The following ASIC2 variants were observed in gnomAD, a reference collection of about 807,000 sequenced individuals.
ASIC2 encodes the protein acid sensing ion channel subunit 2.
In ASIC2, 25 loss-of-function variants were observed where a neutral mutation model predicts 57.3. The observed-to-expected ratio is 0.44, with a 90% CI of 0.32 to 0.61. The LOEUF (loss-of-function observed/expected upper bound fraction) is 0.61, where lower values mean the gene tolerates loss of function less well. ASIC2 is among the 20% of genes least tolerant of loss of function. The pLI, the probability that ASIC2 is intolerant of heterozygous loss-of-function variation, is 0.06. For missense variants in ASIC2, 641 were observed against 738.1 expected, an observed-to-expected ratio of 0.87 and a Z score of 1.52; for synonymous variants, 319 against 307.5, an observed-to-expected ratio of 1.04 and a Z score of -0.39.
intron 1 of ASIC2, among the ~76,000 whole-genome samples, chr17:33,819,870 A>T (rs1199074461): frequency 1.3e-5 from 2 of 152,208 alleles, no homozygotes; most frequent in African/African-American, 4.8e-5. Context: ...GGTTCTGCAG[A>T]AGCTGAAAAT....
At chr17:33,251,297 T>C (rs546796804) in intron 1 of ASIC2, among the ~76,000 whole-genome samples, 1 of 152,296 alleles carries the variant, frequency 6.6e-6, no homozygotes, top group African/African-American at 2.4e-5. Flanking sequence ...CCAGCTTTAG[T>C]TGAACACCTA....
chr17:33,465,357 C>CT (rs1422282064), intron 1 of ASIC2, among the ~76,000 whole-genome samples: 1 of 141,154 alleles, frequency 7.1e-6, no homozygotes, highest in South Asian at 2.3e-4. Flanking sequence ...GAGTGTGGGC[C>CT]TTTTTTTTCT....
At chr17:33,799,350 TTC>T (rs750793829) in intron 1 of ASIC2, among the ~76,000 whole-genome samples, 69 of 143,780 alleles carry the variant, frequency 4.8e-4, no homozygotes, top group African/African-American at 9.7e-4. Context: ...TTTCCTCTCT[TTC>T]TCTTTCTTTC....
At chr17:33,696,743 T>C (rs12453836) in intron 1 of ASIC2, among the ~76,000 whole-genome samples, 40,879 of 152,114 alleles carry the variant, frequency 0.27, 5,602 homozygotes, top group African/African-American at 0.3. Context: ...AGTCATTGAA[T>C]ATGTATTTTT....
intron 1 of ASIC2, among the ~76,000 whole-genome samples, chr17:34,047,859 C>T (rs1228796152): frequency 6.6e-6 from 1 of 152,164 alleles, no homozygotes; most frequent in Non-Finnish European, 1.5e-5. Context: ...AGCATGGTCC[C>T]CACTCGGACA....
At chr17:33,453,621 G>A (rs1180834319) in intron 1 of ASIC2, among the ~76,000 whole-genome samples, 1 of 152,144 alleles carries the variant, frequency 6.6e-6, no homozygotes, top group Non-Finnish European at 1.5e-5. Context: ...TTAAAAATCA[G>A]CTTTATTGAG....
chr17:33,018,761 T>C (rs961484309), intron 7 of ASIC2, among the ~76,000 whole-genome samples: 7 of 151,700 alleles, frequency 4.6e-5, no homozygotes, highest in Non-Finnish European at 4.4e-5. Context: ...TGAGATGAAC[T>C]ATGAAGTTCT....
At chr17:33,207,560 T>C (rs1907111507) in intron 1 of ASIC2, among the ~76,000 whole-genome samples, 1 of 152,208 alleles carries the variant, frequency 6.6e-6, no homozygotes, top group South Asian at 2.1e-4. Flanking sequence ...CATCTATGTA[T>C]TCTTAGCACC....
At position 33,234,971 on chromosome 17, in the gene ASIC2, CA is replaced by C. The variant is rs1265529888; in HGVS notation, c.708+56436del. ...TGTGGGATCTGGCTGAGGCCAGACA[CA>C]AAACTGCGGCTGCATCCTTTCTGGT... is the stretch of plus-strand genomic sequence containing the variant. On this transcript the variant is annotated intron_variant, in intron 1 of 9. Coordinates refer to ENST00000225823, the MANE Select transcript of ASIC2 (RefSeq NM_183377.2). Among the ~76,000 whole-genome samples the C allele has an allele frequency of 2.6e-5, 4 of 152,236 alleles. No individual in the cohort carries two copies. The East Asian group carries it at 7.7e-4, about 29-fold the overall frequency.
At chr17:33,667,866 C>T (rs1907525356) in intron 1 of ASIC2, among the ~76,000 whole-genome samples, 1 of 152,178 alleles carries the variant, frequency 6.6e-6, no homozygotes, top group African/African-American at 2.4e-5. Flanking sequence ...GTCACTTTAT[C>T]TATAAGCACA....
chr17:33,348,367 G>A (rs1908033837), intron 1 of ASIC2, among the ~76,000 whole-genome samples: 1 of 152,090 alleles, frequency 6.6e-6, no homozygotes, highest in Non-Finnish European at 1.5e-5. Context: ...ATATGGTTAG[G>A]AGGCCACAAA....
intron 1 of ASIC2, among the ~76,000 whole-genome samples, chr17:33,518,184 C>A (rs1914632193): frequency 6.6e-6 from 1 of 152,194 alleles, no homozygotes; most frequent in South Asian, 2.1e-4. Context: ...CTGAGCTCCT[C>A]AATAACGCCT....
chr17:33,353,602 T>G (rs1478159452), intron 1 of ASIC2, among the ~76,000 whole-genome samples: 1 of 152,120 alleles, frequency 6.6e-6, no homozygotes, highest in Admixed American at 6.6e-5. Flanking sequence ...GACTCCCAAA[T>G]TTTGGAATTA....
intron 1 of ASIC2, among the ~76,000 whole-genome samples, chr17:33,602,972 A>C (rs1048735582): frequency 6.6e-6 from 1 of 152,140 alleles, no homozygotes; most frequent in African/African-American, 2.4e-5. Context: ...GCCCTTTCCC[A>C]ATATCTCTTA....
intron 1 of ASIC2, among the ~76,000 whole-genome samples, chr17:33,125,535 C>A (rs185879269): frequency 6.6e-6 from 1 of 152,162 alleles, no homozygotes; most frequent in Non-Finnish European, 1.5e-5. Flanking sequence ...ATCTAATGAG[C>A]AACTATTACA....
intron 1 of ASIC2, among the ~76,000 whole-genome samples, chr17:33,389,282 G>A (rs935342363): frequency 2.6e-5 from 4 of 152,242 alleles, no homozygotes; most frequent in Admixed American, 2.0e-4. Context: ...TTAACTGCAC[G>A]CAAACAGATG....
intron 1 of ASIC2, among the ~76,000 whole-genome samples, chr17:33,659,886 A>G (rs1907199079): frequency 7.3e-6 from 1 of 136,766 alleles, no homozygotes; most frequent in Admixed American, 6.9e-5. Context: ...AAATAAATAA[A>G]TAAATAAATA....
intron 1 of ASIC2, among the ~76,000 whole-genome samples, chr17:33,974,981 G>A (rs532743186): frequency 1.3e-5 from 2 of 152,064 alleles, no homozygotes; most frequent in African/African-American, 4.8e-5. Context: ...TTTATGTGGT[G>A]TGTTGGCCAT....
At chr17:33,544,264 C>A (rs1169361344) in intron 1 of ASIC2, among the ~76,000 whole-genome samples, 2 of 152,156 alleles carry the variant, frequency 1.3e-5, no homozygotes, top group African/African-American at 2.4e-5. Flanking sequence ...ATAAGGTATA[C>A]CCCACTTTGT....
Sources: gnomAD v4.1 joint callset for allele counts (sites outside exome capture counted in the v4.1 genomes callset) on GRCh38, gnomAD v4.1.1 for gene constraint, MANE v1.5 for transcripts, NCBI Gene and HGNC (gene_info 2026-07-23, HGNC 2026-07-21) for gene names.